Variants in SGIP1 observed in about 807,000 individuals in gnomAD.
The protein encoded by SGIP1 is SH3GL interacting endocytic adaptor 1, also known as SH3-containing GRB2-like protein 3-interacting protein 1.
SGIP1 carries 38 observed loss-of-function variants against 107.5 expected under a neutral mutation model. The ratio of observed to expected loss-of-function variants is 0.35; its 90% CI spans 0.27 to 0.46. The LOEUF is 0.46. Ranked by LOEUF, SGIP1 falls within the 20% of genes least tolerant of loss-of-function variation. The pLI is 1.00. For synonymous variants in SGIP1, 365 were observed against 366.1 expected (o/e 1.00, Z 0.03); for missense variants, 929 against 1,019.5 (o/e 0.91, Z 1.21).
intron 18 of SGIP1, among the ~76,000 whole-genome samples, chr1:66,705,877 G>A (rs891919569): frequency 2.0e-5 from 3 of 152,046 alleles, no homozygotes; most frequent in Non-Finnish European, 4.4e-5. Flanking sequence ...TCGGGAGTTG[G>A]GAGGCAAGGA....
chr1:66,750,067 GTC>G lies in SGIP1; in HGVS notation c.*6976_*6977del, dbSNP rs1553200228. ...TGTGTGTGTGTGTGTGTGTGTGTGT[GTC>G]TCTTTCCTCTCTGTCTAAGGGGAAT... On this transcript the variant is annotated 3_prime_UTR_variant, in exon 25 of 25. Transcript: ENST00000371037. Among the ~76,000 whole-genome samples, 2 of 148,590 alleles carry G rather than the reference GTC, an allele frequency of 1.3e-5. No homozygotes were observed. The highest frequency in any genetic ancestry group is 5.0e-5 in the African/African-American group (2 of 39,790).
Position 66,588,188 on chromosome 1 carries a change from A to T in SGIP1, c.11-37659A>T, listed in dbSNP as rs537195892. Among the ~76,000 whole-genome samples the T allele has an allele frequency of 5.3e-4, 80 of 152,212 alleles. No individual in the cohort carries two copies. In the South Asian group the frequency reaches 0.016, roughly 31 times the overall value. ...CATGTTTTATTCTTTGATTCGGGAG[A>T]TTGCCGGATCATCTTTTAGGATCAC... On this transcript the variant is annotated intron_variant, in intron 1 of 24. Coordinates refer to ENST00000371037, the MANE Select transcript of SGIP1 (RefSeq NM_032291.4).
At chr1:66,693,470 G>A (rs543798208) in intron 17 of SGIP1, among the ~76,000 whole-genome samples, 1 of 152,084 alleles carries the variant, frequency 6.6e-6, no homozygotes, top group African/African-American at 2.4e-5. Flanking sequence ...TCATTAAATT[G>A]TAAATATGGA....
intron 1 of SGIP1, among the ~76,000 whole-genome samples, chr1:66,620,083 C>A (rs769108274): frequency 1.3e-5 from 2 of 152,024 alleles, no homozygotes; most frequent in African/African-American, 2.4e-5. Context: ...CTTAATGGAT[C>A]CCTACAATTC....
chr1:66,584,164 T>C (rs2062212155), intron 1 of SGIP1, among the ~76,000 whole-genome samples: 1 of 152,116 alleles, frequency 6.6e-6, no homozygotes, highest in Non-Finnish European at 1.5e-5. Flanking sequence ...CTTCTTGAAT[T>C]TATGAATTGT....
chr1:66,644,875 T>G (rs1398079145), intron 7 of SGIP1, among the ~76,000 whole-genome samples: 1 of 152,212 alleles, frequency 6.6e-6, no homozygotes, highest in Non-Finnish European at 1.5e-5. Flanking sequence ...AGATGTCTTC[T>G]TGAAAAGGGA....
chr1:66,591,335 C>T (rs754054587), intron 1 of SGIP1, among the ~76,000 whole-genome samples: 14 of 152,218 alleles, frequency 9.2e-5, no homozygotes, highest in Non-Finnish European at 1.9e-4. Flanking sequence ...TTAGCCTCAA[C>T]ATAAGCCCGT....
At chr1:66,548,107 A>G (rs2056746997) in intron 1 of SGIP1, among the ~76,000 whole-genome samples, 1 of 152,288 alleles carries the variant, frequency 6.6e-6, no homozygotes. Flanking sequence ...TTCTGAAGCA[A>G]TGGAAAGCCA....
chr1:66,642,394 T>G (rs1186520014), intron 5 of SGIP1, among the ~76,000 whole-genome samples: 1 of 152,148 alleles, frequency 6.6e-6, no homozygotes, highest in Non-Finnish European at 1.5e-5. Flanking sequence ...CCTCACTAAT[T>G]TCCTTTTCTT....
intron 2 of SGIP1, among the ~76,000 whole-genome samples, chr1:66,627,038 A>C (rs1470630351): frequency 6.6e-6 from 1 of 152,176 alleles, no homozygotes; most frequent in African/African-American, 2.4e-5. Flanking sequence ...TACTACATAA[A>C]TTATTGTTTG....
At chr1:66,576,235 G>A (rs1156640869) in intron 1 of SGIP1, among the ~76,000 whole-genome samples, 2 of 152,174 alleles carry the variant, frequency 1.3e-5, no homozygotes, top group African/African-American at 4.8e-5. Context: ...GTAGTATCAA[G>A]TTAAAAATCA....
At chr1:66,643,225 T>C (rs2077094460) in intron 6 of SGIP1, among the ~76,000 whole-genome samples, 1 of 152,200 alleles carries the variant, frequency 6.6e-6, no homozygotes, top group African/African-American at 2.4e-5. Flanking sequence ...GGATCATTCA[T>C]AAAGCAGCCT....
chr1:66,605,971 A>T (rs2066753990), intron 1 of SGIP1, among the ~76,000 whole-genome samples: 1 of 152,200 alleles, frequency 6.6e-6, no homozygotes, highest in Non-Finnish European at 1.5e-5. Context: ...TCTAGAAGGT[A>T]CAAGTCACCT....
At position 66,591,384 on chromosome 1, in the gene SGIP1, C is replaced by A. The variant is rs112580578; in HGVS notation, c.11-34463C>A. ...GTGATGAACACAGATTCTTTCTCATCCTCATTTTGATAAAGTTCCTTCTTT... is the reference window on the plus strand; with the variant it reads ...GTGATGAACACAGATTCTTTCTCATACTCATTTTGATAAAGTTCCTTCTTT... On this transcript the variant is annotated intron_variant, in intron 1 of 24. Coordinates refer to ENST00000371037, the MANE Select transcript of SGIP1 (RefSeq NM_032291.4). Among the ~76,000 whole-genome samples the A allele has an allele frequency of 7.2e-5, 11 of 152,304 alleles. No homozygotes were observed. In the East Asian group the frequency reaches 1.9e-3, roughly 27 times the overall value.
chr1:66,747,266 A>C lies in SGIP1; in HGVS notation c.*4171A>C, dbSNP rs968829513. On this transcript the variant is annotated 3_prime_UTR_variant, in exon 25 of 25. Transcript: ENST00000371037. ...AGAATCATTGCTCTAGTAGATCTCTAAGGTCCTTCTTAGTTCTGACATTAT... is the reference window on the plus strand; with the variant it reads ...AGAATCATTGCTCTAGTAGATCTCTCAGGTCCTTCTTAGTTCTGACATTAT... 1 of 152,074 alleles carries C rather than the reference A, an allele frequency of 6.6e-6. No individual in the cohort carries two copies. Among genetic ancestry groups the C allele is most frequent in the Non-Finnish European group, 1.5e-5 (1 of 67,928 alleles). 9.4% of individuals were successfully genotyped at this position (152,074 alleles called of 1,614,324 possible).
At chr1:66,540,015 T>C (rs1056955750) in intron 1 of SGIP1, among the ~76,000 whole-genome samples, 11 of 152,206 alleles carry the variant, frequency 7.2e-5, no homozygotes, top group Non-Finnish European at 1.0e-4. Flanking sequence ...TGTTTATTAA[T>C]TGAATAAGTG....
At chr1:66,699,893 G>A (rs568069463) in intron 18 of SGIP1, among the ~76,000 whole-genome samples, 8 of 151,846 alleles carry the variant, frequency 5.3e-5, no homozygotes, top group Non-Finnish European at 1.0e-4. Context: ...TTTAAATTGG[G>A]GAATTTGAGG....
rs559373830 is a variant in SGIP1, at chr1:66,650,504, C to T, written c.459+6785C>T. On this transcript the variant is annotated intron_variant, in intron 7 of 24. Coordinates refer to ENST00000371037, the MANE Select transcript of SGIP1 (RefSeq NM_032291.4). ...GCTGAAATTTTTCTTGTGGTTCAAA[C>T]GCTTGCCTGTCTTCACTTCAGTTTC... 3.9e-5 allele frequency among the ~76,000 whole-genome samples: 6 copies of T among 152,248 alleles called. No homozygotes were observed. The East Asian group carries it at 7.7e-4, about 20-fold the overall frequency.
At chr1:66,651,769 G>T (rs1479429435) in intron 7 of SGIP1, among the ~76,000 whole-genome samples, 2 of 152,136 alleles carry the variant, frequency 1.3e-5, no homozygotes. Context: ...AAATGCTGTT[G>T]TGTGATATGT....
Sources: gnomAD v4.1 joint callset for allele counts (sites outside exome capture counted in the v4.1 genomes callset) on GRCh38, gnomAD v4.1.1 for gene constraint, MANE v1.5 for transcripts, NCBI Gene and HGNC (gene_info 2026-07-23, HGNC 2026-07-21) for gene names.